Variants in PSMD1 observed in about 807,000 individuals in gnomAD.
The protein encoded by PSMD1 is proteasome 26S subunit, non-ATPase 1, also known as 26S proteasome non-ATPase regulatory subunit 1.
Under a neutral mutation model 119.0 loss-of-function variants are expected in PSMD1, and 18 were observed. That is an observed-to-expected ratio of 0.15 (90% CI 0.10 to 0.22). PSMD1 has a LOEUF of 0.22. PSMD1 is among the 10% of genes least tolerant of loss of function. The pLI is 1.00. For synonymous variants in PSMD1, 374 were observed against 396.6 expected, an observed-to-expected ratio of 0.94 and a Z score of 0.68; for missense variants, 702 against 1,158.5, an observed-to-expected ratio of 0.61 and a Z score of 5.72.
chr2:231,083,297 A>G (rs1694358103), intron 13 of PSMD1, among the ~76,000 whole-genome samples: 1 of 152,236 alleles, frequency 6.6e-6, no homozygotes, highest in Non-Finnish European at 1.5e-5. Flanking sequence ...AATGTTATCT[A>G]AATGTCTCCT....
At chr2:231,115,720 G>A (rs182460184) in intron 16 of PSMD1, among the ~76,000 whole-genome samples, 2 of 152,232 alleles carry the variant, frequency 1.3e-5, no homozygotes, top group East Asian at 3.9e-4. Flanking sequence ...GAGGTAAGGA[G>A]GGGAGGCATT....
chr2:231,126,779 T>C (rs955159959), intron 16 of PSMD1, among the ~76,000 whole-genome samples: 13 of 152,164 alleles, frequency 8.5e-5, no homozygotes, highest in African/African-American at 2.9e-4. Flanking sequence ...TATTTTTGCT[T>C]TTTTAAGTCT....
chr2:231,072,962 C>G (rs372282309), intron 7 of PSMD1, among the ~76,000 whole-genome samples: 4 of 151,992 alleles, frequency 2.6e-5, no homozygotes, highest in Non-Finnish European at 4.4e-5. Context: ...GCCCCCTAGC[C>G]CGCTCTTTCA....
At chr2:231,108,582 G>A (rs1307511444) in intron 16 of PSMD1, 1 of 1,613,842 alleles carries the variant, frequency 6.2e-7, no homozygotes, top group Non-Finnish European at 8.5e-7. Flanking sequence ...AGCGTATCTA[G>A]TAGAATGATT....
At chr2:231,077,502 ACT>A (rs1694197282) in intron 9 of PSMD1, among the ~76,000 whole-genome samples, 1 of 152,088 alleles carries the variant, frequency 6.6e-6, no homozygotes, top group Non-Finnish European at 1.5e-5. Context: ...CCTGCTCCAA[ACT>A]CTGTGGAGTG....
chr2:231,057,409 G>A (rs1693627654), intron 1 of PSMD1, among the ~76,000 whole-genome samples: 1 of 152,244 alleles, frequency 6.6e-6, no homozygotes, highest in Non-Finnish European at 1.5e-5. Context: ...GGGGGCCGGG[G>A]TGGGATGGGC....
chr2:231,153,939 C>T (rs1172977131), intron 19 of PSMD1, among the ~76,000 whole-genome samples: 3 of 151,540 alleles, frequency 2.0e-5, no homozygotes, highest in Non-Finnish European at 4.4e-5. Flanking sequence ...CATGGAGAAA[C>T]CCCATCTCTA....
At chr2:231,139,425 T>G (rs1184198200) in intron 17 of PSMD1, among the ~76,000 whole-genome samples, 1 of 148,730 alleles carries the variant, frequency 6.7e-6, no homozygotes, top group African/African-American at 2.5e-5. Context: ...TTTTTTATTT[T>G]TTGTGGAGAA....
At chr2:231,161,257 G>T in intron 19 of PSMD1, 83 bp from the exon 20 acceptor site, 26 of 1,192,690 alleles carry the variant, frequency 2.2e-5, no homozygotes, top group South Asian at 3.3e-5. Context: ...AAAAAAGAAA[G>T]AAAGAAAGAT....
chr2:231,123,806 C>T, intron 16 of PSMD1: 1 of 1,439,844 alleles, frequency 6.9e-7, no homozygotes, highest in African/African-American at 1.4e-5. Flanking sequence ...GAACAGTGGT[C>T]AGCATGGTTA....
At chr2:231,124,139 A>G (rs1451022908) in intron 16 of PSMD1, 2 of 243,256 alleles carry the variant, frequency 8.2e-6, no homozygotes, top group Non-Finnish European at 1.6e-5. Flanking sequence ...CCCTAGATAC[A>G]AAATACATAG....
intron 11 of PSMD1, 61 bp downstream of exon 11, chr2:231,079,675 G>GA (rs1402929736): frequency 1.0e-5 from 11 of 1,091,746 alleles, no homozygotes; most frequent in Admixed American, 2.6e-5. Context: ...CTGGGGTTAA[G>GA]AAAAAATAAC....
chr2:231,138,698 T>C, intron 16 of PSMD1, 38 bp from the exon 17 acceptor site: 1 of 1,443,356 alleles, frequency 6.9e-7, no homozygotes, highest in Non-Finnish European at 9.7e-7. Flanking sequence ...TAAAATAGAT[T>C]ACCTATAACA....
chr2:231,154,515 C>T (rs190284006), intron 19 of PSMD1, among the ~76,000 whole-genome samples: 7 of 152,292 alleles, frequency 4.6e-5, no homozygotes, highest in East Asian at 1.9e-4. Context: ...TCACCCAAGC[C>T]GGAGTGCAGT....
rs781205348 is a variant in PSMD1, at chr2:231,123,625, A to G, written c.1884-15111A>G. 1.5e-5 allele frequency: 25 copies of G among 1,614,120 alleles called. No individual in the cohort carries two copies. The African/African-American group carries it at 2.9e-4, about 19-fold the overall frequency. On this transcript the variant is annotated intron_variant, in intron 16 of 24. Transcript: ENST00000308696. ...GTGCAGTTTATTTCCCTGTTCCTCA[A>G]CAATCTGTTTCATTTCCTCTGGTAT...
At chr2:231,087,777 ACGGTGAAACC>A (rs2125178539) in intron 16 of PSMD1, among the ~76,000 whole-genome samples, 1 of 152,242 alleles carries the variant, frequency 6.6e-6, no homozygotes, top group Admixed American at 6.5e-5. Context: ...CCTGACTAAC[ACGGTGAAACC>A]CTGTCTCTAC....
chr2:231,170,864 A>G lies in PSMD1; in HGVS notation c.*9+143A>G. On this transcript the variant is annotated intron_variant, in intron 24 of 24. Coordinates refer to ENST00000308696, the MANE Select transcript of PSMD1 (RefSeq NM_002807.4). This position sits in a 1 kb window ranked among gnomAD's most constrained non-coding sequence, Gnocchi z 4.1. ...AACAGTATTAAAACTTCCCCGTTTC[A>G]ACCTTTTTCTGCATATATAACCACA... 1 of 884,306 alleles carries G rather than the reference A, an allele frequency of 1.1e-6. No individual in the cohort carries two copies. Among genetic ancestry groups the G allele is most frequent in the Non-Finnish European group, 1.6e-6 (1 of 618,704 alleles). The allele number at this position is 884,306 out of a possible 1,614,324, so 54.8% of individuals were successfully genotyped here.
intron 1 of PSMD1, among the ~76,000 whole-genome samples, chr2:231,058,454 C>T (rs1693666491): frequency 6.6e-6 from 1 of 152,240 alleles, no homozygotes; most frequent in East Asian, 1.9e-4. Flanking sequence ...CCGTGTCCAA[C>T]CCTTTGAATT....
intron 5 of PSMD1, 67 bp from the exon 6 acceptor site, chr2:231,069,958 C>G (rs895092256): frequency 1.6e-6 from 2 of 1,216,586 alleles, no homozygotes; most frequent in Admixed American, 6.1e-5. Context: ...TAAAATAATT[C>G]AATTTCTAAA....
Sources: allele counts gnomAD v4.1 joint callset (sites outside exome capture counted in the v4.1 genomes callset), GRCh38; gene constraint gnomAD v4.1.1; non-coding constraint Gnocchi (gnomAD v3.1); transcripts MANE v1.5; gene names NCBI Gene and HGNC (gene_info 2026-07-23, HGNC 2026-07-21).